The following RHBDD1 variants were observed in gnomAD, a reference collection of about 807,000 sequenced individuals.
RHBDD1 encodes rhomboid domain containing 1, also known as rhomboid-related protein 4.
Under a neutral mutation model 36.3 loss-of-function variants are expected in RHBDD1, and 38 were observed. The ratio of observed to expected loss-of-function variants is 1.05; its 90% CI spans 0.81 to 1.37. RHBDD1 has a LOEUF of 1.37. Ranked by LOEUF, RHBDD1 falls within the 40% of genes most tolerant of loss-of-function variation. The pLI is 0.00. For synonymous variants in RHBDD1, 151 were observed against 136.5 expected (o/e 1.11, Z -0.74); for missense variants, 393 against 377.6 (o/e 1.04, Z -0.34).
At chr2:226,879,966 A>G (rs971597192) in intron 5 of RHBDD1, among the ~76,000 whole-genome samples, 1 of 152,130 alleles carries the variant, frequency 6.6e-6, no homozygotes. Context: ...TTTTTCAAGA[A>G]GTTATGTCAA....
At chr2:226,870,493 T>C (rs957284264) in intron 5 of RHBDD1, among the ~76,000 whole-genome samples, 2 of 152,190 alleles carry the variant, frequency 1.3e-5, no homozygotes, top group African/African-American at 4.8e-5. Context: ...AAAATGCCCA[T>C]AAGCCACTCT....
intron 5 of RHBDD1, among the ~76,000 whole-genome samples, chr2:226,906,311 G>A (rs1202290857): frequency 6.6e-6 from 1 of 152,186 alleles, no homozygotes; most frequent in Non-Finnish European, 1.5e-5. Context: ...TCCTTTTGCT[G>A]AGTTTCACTT....
intron 5 of RHBDD1, among the ~76,000 whole-genome samples, chr2:226,876,822 C>A (rs1303225595): frequency 6.6e-6 from 1 of 152,016 alleles, no homozygotes; most frequent in African/African-American, 2.4e-5. Flanking sequence ...CATAATTTAT[C>A]AATAATTCAT....
chr2:226,955,076 A>T (rs1052240987), intron 8 of RHBDD1, among the ~76,000 whole-genome samples: 1 of 152,004 alleles, frequency 6.6e-6, no homozygotes, highest in Non-Finnish European at 1.5e-5. Context: ...TGGGGCCAAG[A>T]ACTCACAGGA....
chr2:226,911,829 T>G (rs1948539316), intron 7 of RHBDD1, among the ~76,000 whole-genome samples: 1 of 152,128 alleles, frequency 6.6e-6, no homozygotes, highest in African/African-American at 2.4e-5. Context: ...TATTTTGACA[T>G]GGGAAACAGG....
intron 5 of RHBDD1, among the ~76,000 whole-genome samples, chr2:226,896,765 A>G (rs536858210): frequency 6.7e-6 from 1 of 149,460 alleles, no homozygotes; most frequent in African/African-American, 2.4e-5. Context: ...AAATCCGTGC[A>G]GCACCCTGTG....
At chr2:226,953,700 A>G (rs1026793099) in intron 8 of RHBDD1, among the ~76,000 whole-genome samples, 3 of 152,250 alleles carry the variant, frequency 2.0e-5, no homozygotes, top group Non-Finnish European at 4.4e-5. Flanking sequence ...AAGGATTGTC[A>G]GTAAGATCCT....
At chr2:226,956,537 T>C (rs1268793544) in intron 8 of RHBDD1, among the ~76,000 whole-genome samples, 1 of 152,148 alleles carries the variant, frequency 6.6e-6, no homozygotes, top group East Asian at 1.9e-4. Context: ...TAAAAGTTGT[T>C]GTTGTTGTTG....
the RHBDD1 span, among the ~76,000 whole-genome samples, chr2:226,813,460 G>A: frequency 6.6e-6 from 1 of 152,156 alleles, no homozygotes; most frequent in Admixed American, 6.5e-5. Context: ...GGGGGCTATT[G>A]TCATGCAGAT....
chr2:226,815,412 A>G, the RHBDD1 span, among the ~76,000 whole-genome samples: 1 of 152,200 alleles, frequency 6.6e-6, no homozygotes, highest in South Asian at 2.1e-4. Context: ...CTTTTTATGT[A>G]GTTTGGAGAT....
chr2:226,901,178 G>A lies in RHBDD1; in HGVS notation c.567-5615G>A, dbSNP rs138852068. 2.1e-3 allele frequency among the ~76,000 whole-genome samples: 315 copies of A among 152,224 alleles called. 4 individuals carry two copies. The highest frequency in any genetic ancestry group is 7.3e-3 in the African/African-American group (302 of 41,554). On this transcript the variant is annotated intron_variant, in intron 5 of 8. Transcript: ENST00000392062. ...GAAAATGCCATCTAGATTTGTCCGT[G>A]TTGTCTTAAATGGCAGGATTTCCTT...
intron 3 of RHBDD1, among the ~76,000 whole-genome samples, chr2:226,863,736 A>T (rs962678848): frequency 6.6e-6 from 1 of 152,230 alleles, no homozygotes; most frequent in Non-Finnish European, 1.5e-5. Context: ...CTTGAGGTAT[A>T]GGCTGGGAGC....
chr2:226,830,979 G>A (rs1272719120), upstream of RHBDD1, among the ~76,000 whole-genome samples: 3 of 152,174 alleles, frequency 2.0e-5, no homozygotes, highest in African/African-American at 4.8e-5. Context: ...TTTTTTGATG[G>A]AAAGCCAAAC....
the RHBDD1 span, among the ~76,000 whole-genome samples, chr2:226,821,860 G>T: frequency 6.6e-6 from 1 of 151,768 alleles, no homozygotes; most frequent in Non-Finnish European, 1.5e-5. Flanking sequence ...TGTCATCTTT[G>T]ATTTTTTTCT....
At chr2:226,980,356 C>T (rs142358777) in intron 8 of RHBDD1, among the ~76,000 whole-genome samples, 78 of 152,214 alleles carry the variant, frequency 5.1e-4, no homozygotes, top group Non-Finnish European at 9.7e-4. Flanking sequence ...TGTAAGACAC[C>T]GGTATCCACT....
the RHBDD1 span, among the ~76,000 whole-genome samples, chr2:226,813,799 G>A: frequency 6.6e-6 from 1 of 152,036 alleles, no homozygotes; most frequent in Non-Finnish European, 1.5e-5. Context: ...TTTTAAATGG[G>A]ATTAGTCACA....
At chr2:226,861,060 C>T (rs554941788) in intron 3 of RHBDD1, among the ~76,000 whole-genome samples, 2 of 152,296 alleles carry the variant, frequency 1.3e-5, no homozygotes, top group Non-Finnish European at 2.9e-5. Flanking sequence ...ATGGCTGAAT[C>T]ATCATTCTGT....
At chr2:226,852,866 TA>T (rs1201008211) in intron 3 of RHBDD1, among the ~76,000 whole-genome samples, 1 of 150,276 alleles carries the variant, frequency 6.7e-6, no homozygotes, top group Non-Finnish European at 1.5e-5. Context: ...CCTAAGTACC[TA>T]GGATTATAGG....
At chr2:226,806,962 T>C in the RHBDD1 span, among the ~76,000 whole-genome samples, 3 of 152,210 alleles carry the variant, frequency 2.0e-5, no homozygotes, top group African/African-American at 7.2e-5. Context: ...CGAGTTTACC[T>C]AAGATTATTT....
Sources: gnomAD v4.1 joint callset for allele counts (sites outside exome capture counted in the v4.1 genomes callset) on GRCh38, gnomAD v4.1.1 for gene constraint, MANE v1.5 for transcripts, NCBI Gene and HGNC (gene_info 2026-07-23, HGNC 2026-07-21) for gene names.